The following STK31 variants were observed in gnomAD, a reference collection of about 807,000 sequenced individuals.
STK31 encodes serine/threonine kinase 31.
Under a neutral mutation model 129.7 loss-of-function variants are expected in STK31, and 89 were observed. The observed-to-expected ratio is 0.69, with a 90% CI of 0.58 to 0.82. The LOEUF (loss-of-function observed/expected upper bound fraction) is 0.82, where lower values mean the gene tolerates loss of function less well. STK31 is among the 40% of genes least tolerant of loss of function. STK31 has a pLI of 0.00. For synonymous variants in STK31, 448 were observed against 395.3 expected, an observed-to-expected ratio of 1.13 and a Z score of -1.58; for missense variants, 1,187 against 1,176.4, an observed-to-expected ratio of 1.01 and a Z score of -0.13.
chr7:23,729,488 GT>G (rs1156918878), intron 6 of STK31, among the ~76,000 whole-genome samples: 4 of 148,460 alleles, frequency 2.7e-5, no homozygotes, highest in African/African-American at 4.9e-5. Context: ...TGATGTAAAT[GT>G]TTAAAAGGAT....
chr7:23,754,198 C>A (rs775203875), intron 9 of STK31, 117 bp from the exon 10 acceptor site: 1 of 966,214 alleles, frequency 1.0e-6, no homozygotes, highest in Non-Finnish European at 1.5e-6. Context: ...AAAGGTACCC[C>A]TTCAAAGCCA....
chr7:23,711,297 C>T (rs574755218), intron 1 of STK31, among the ~76,000 whole-genome samples: 42 of 152,032 alleles, frequency 2.8e-4, no homozygotes, highest in African/African-American at 9.6e-4. Context: ...ATTAGCTGGA[C>T]GTGGTGTCAC....
At chr7:23,828,826 G>T (rs749385093) in intron 23 of STK31, among the ~76,000 whole-genome samples, 5 of 152,240 alleles carry the variant, frequency 3.3e-5, no homozygotes, top group Non-Finnish European at 5.9e-5. Flanking sequence ...GTGTTGAAGA[G>T]AAGTGGTGAA....
chr7:23,794,324 C>T (rs1791820798), intron 22 of STK31, among the ~76,000 whole-genome samples: 1 of 152,168 alleles, frequency 6.6e-6, no homozygotes, highest in African/African-American at 2.4e-5. Flanking sequence ...CTTGCTGCCC[C>T]CATGTGAAGA....
At chr7:23,827,098 T>G (rs535512425) in intron 23 of STK31, among the ~76,000 whole-genome samples, 389 of 152,208 alleles carry the variant, frequency 2.6e-3, no homozygotes, top group Middle Eastern at 0.017. Context: ...TCTTGAGGAG[T>G]ATCTTTGTGG....
At position 23,787,961 on chromosome 7, in the gene STK31, T is replaced by A. The variant is rs374306155; in HGVS notation, c.2488-19T>A. ...GATTTGCCTACTTCCTCACTTCTTT[T>A]ATGTGTACTTATCTATAGGAAACTT... On this transcript the variant is annotated intron_variant, in intron 20 of 23. Coordinates refer to ENST00000355870, the MANE Select transcript of STK31 (RefSeq NM_031414.5). The A allele has an allele frequency of 6.6e-7, 1 of 1,504,064 alleles. No homozygotes were observed. Among genetic ancestry groups the A allele is most frequent in the South Asian group, 1.4e-5 (1 of 72,480 alleles). 93.2% of individuals were successfully genotyped at this position (1,504,064 alleles called of 1,614,324 possible).
chr7:23,734,276 C>G (rs1787594106), intron 6 of STK31, among the ~76,000 whole-genome samples: 1 of 152,188 alleles, frequency 6.6e-6, no homozygotes, highest in Non-Finnish European at 1.5e-5. Context: ...GATGATGTCC[C>G]TATTTCAAGG....
intron 22 of STK31, among the ~76,000 whole-genome samples, chr7:23,810,688 T>G (rs1331666054): frequency 2.7e-5 from 3 of 111,558 alleles, no homozygotes; most frequent in African/African-American, 1.2e-4. Context: ...AAATAGATAT[T>G]ATATATAAAA....
intron 5 of STK31, chr7:23,727,632 G>C (rs568373740): frequency 1.7e-4 from 38 of 224,434 alleles, no homozygotes; most frequent in Non-Finnish European, 3.0e-4. Context: ...GTACGATCTT[G>C]GCTCACTGCA....
intron 23 of STK31, among the ~76,000 whole-genome samples, chr7:23,825,994 T>C (rs1413156032): frequency 3.3e-5 from 5 of 152,204 alleles, no homozygotes; most frequent in East Asian, 3.8e-4. Flanking sequence ...CTTTTACATT[T>C]GCTGAGGAGA....
At chr7:23,728,605 A>T (rs915842145) in intron 5 of STK31, among the ~76,000 whole-genome samples, 2 of 152,160 alleles carry the variant, frequency 1.3e-5, no homozygotes, top group African/African-American at 4.8e-5. Flanking sequence ...TTTTAAACAG[A>T]TGTAGAGCTG....
intron 4 of STK31, among the ~76,000 whole-genome samples, chr7:23,723,785 A>G (rs931296694): frequency 4.6e-5 from 7 of 152,104 alleles, no homozygotes; most frequent in Non-Finnish European, 8.8e-5. Context: ...ATAGATTTAC[A>G]TGTTTTGGTG....
chr7:23,764,174 A>G (rs893576267), intron 11 of STK31, among the ~76,000 whole-genome samples: 1 of 152,234 alleles, frequency 6.6e-6, no homozygotes. Flanking sequence ...TAAGCCTTGC[A>G]TATAAAAGGG....
chr7:23,830,132 T>C (rs1398418771), intron 23 of STK31, among the ~76,000 whole-genome samples: 2 of 152,108 alleles, frequency 1.3e-5, no homozygotes, highest in East Asian at 1.9e-4. Context: ...TGTTTTGTAT[T>C]TTTGTGATAT....
chr7:23,798,230 A>C (rs1428138793), intron 22 of STK31, among the ~76,000 whole-genome samples: 1 of 152,196 alleles, frequency 6.6e-6, no homozygotes, highest in Non-Finnish European at 1.5e-5. Context: ...AAAAGAGGGA[A>C]TCCTCCCTAA....
Position 23,762,800 on chromosome 7 carries a change from G to C in STK31, c.1294-1G>C, listed in dbSNP as rs760938019. On this transcript the variant is annotated splice_acceptor_variant, in intron 10 of 23. Coordinates refer to ENST00000355870, the MANE Select transcript of STK31 (RefSeq NM_031414.5). LOFTEE classifies it high-confidence loss of function. ...TGGTTATTCTTTTTTTCTTCCTCCA[G>C]AGTGAAGGGAATATTTTGATTGCCC... is the stretch of plus-strand genomic sequence containing the variant. 6.2e-7 allele frequency: 1 copy of C among 1,609,510 alleles called. No individual in the cohort carries two copies. The highest frequency in any genetic ancestry group is 2.2e-5 in the East Asian group (1 of 44,626).
At chr7:23,762,728 T>G in intron 10 of STK31, 73 bp from the exon 11 acceptor site, 1 of 1,543,768 alleles carries the variant, frequency 6.5e-7, no homozygotes, top group Non-Finnish European at 8.7e-7. Flanking sequence ...TGGAGATCAC[T>G]TTTTTTCATA....
chr7:23,785,083 A>G (rs1791183828), intron 17 of STK31, among the ~76,000 whole-genome samples: 1 of 152,172 alleles, frequency 6.6e-6, no homozygotes, highest in Non-Finnish European at 1.5e-5. Flanking sequence ...TGCACCCATC[A>G]CCTGAGTGGT....
chr7:23,741,572 A>G (rs1201660732), intron 8 of STK31, among the ~76,000 whole-genome samples: 2 of 152,202 alleles, frequency 1.3e-5, no homozygotes, highest in African/African-American at 4.8e-5. Flanking sequence ...TTTCAGGGAC[A>G]CAGGTAACAA....
Sources: allele counts gnomAD v4.1 joint callset (sites outside exome capture counted in the v4.1 genomes callset), GRCh38; gene constraint gnomAD v4.1.1; transcripts MANE v1.5; gene names NCBI Gene and HGNC (gene_info 2026-07-23, HGNC 2026-07-21).